LARGE1: variants seen among roughly 807,000 people sequenced by gnomAD.
LARGE1 encodes LARGE xylosyl- and glucuronyltransferase 1.
In LARGE1, 43 loss-of-function variants were observed where a neutral mutation model predicts 87.6. The observed-to-expected ratio is 0.49, with a 90% CI of 0.38 to 0.63. LARGE1 has a LOEUF of 0.63. Ranked by LOEUF, LARGE1 falls within the 30% of genes least tolerant of loss-of-function variation. The pLI is 0.00. For missense variants in LARGE1, 802 were observed against 1,000.2 expected, an observed-to-expected ratio of 0.80 and a Z score of 2.67; for synonymous variants, 434 against 394.6, an observed-to-expected ratio of 1.10 and a Z score of -1.18.
intron 1 of LARGE1, among the ~76,000 whole-genome samples, chr22:33,771,296 T>A (rs2145816450): frequency 6.6e-6 from 1 of 152,146 alleles, no homozygotes; most frequent in Admixed American, 6.5e-5. Context: ...TGCAGTAGCC[T>A]GGGAAAATCC....
chr22:33,475,639 T>A (rs1008952971), intron 6 of LARGE1, among the ~76,000 whole-genome samples: 1 of 151,894 alleles, frequency 6.6e-6, no homozygotes, highest in South Asian at 2.1e-4. Context: ...TTTTTTGTAT[T>A]TTTAGTAGAG....
intron 6 of LARGE1, among the ~76,000 whole-genome samples, chr22:33,440,714 T>C (rs1222615248): frequency 1.3e-5 from 2 of 152,174 alleles, no homozygotes; most frequent in African/African-American, 2.4e-5. Flanking sequence ...GGCTAGTCAA[T>C]GTAGAATAAG....
intron 5 of LARGE1, among the ~76,000 whole-genome samples, chr22:33,601,158 T>C (rs531463877): frequency 6.6e-6 from 1 of 152,296 alleles, no homozygotes; most frequent in South Asian, 2.1e-4. Flanking sequence ...AAGAGTGGCA[T>C]GACTGCGCTT....
intron 11 of LARGE1, among the ~76,000 whole-genome samples, chr22:33,223,078 A>C (rs1323370715): frequency 6.6e-6 from 1 of 152,288 alleles, no homozygotes; most frequent in African/African-American, 2.4e-5. Context: ...AACGTGCCTT[A>C]TTCAGGGTTA....
At chr22:33,577,044 T>G (rs2148850365) in intron 5 of LARGE1, among the ~76,000 whole-genome samples, 1 of 152,280 alleles carries the variant, frequency 6.6e-6, no homozygotes, top group South Asian at 2.1e-4. Flanking sequence ...TCATTCCTGT[T>G]CAAAGTGCTA....
At chr22:33,106,509 T>A in the LARGE1 span, among the ~76,000 whole-genome samples, 2,254 of 152,234 alleles carry the variant, frequency 0.015, 55 homozygotes, top group African/African-American at 0.05. Flanking sequence ...TTTTTTTCTT[T>A]TTTTGAGACG....
At chr22:33,813,795 G>A (rs529976471) in intron 1 of LARGE1, among the ~76,000 whole-genome samples, 7 of 152,078 alleles carry the variant, frequency 4.6e-5, no homozygotes, top group Admixed American at 6.5e-5. Flanking sequence ...TGCATTCTAC[G>A]ATGCTCCCAA....
intron 1 of LARGE1, among the ~76,000 whole-genome samples, chr22:33,855,782 T>C (rs190573228): frequency 4.8e-4 from 73 of 152,314 alleles, no homozygotes; most frequent in Middle Eastern, 3.4e-3. Context: ...ATGTAGTGAA[T>C]ACCAACCTCA....
chr22:33,509,810 C>G (rs555924950), intron 6 of LARGE1, among the ~76,000 whole-genome samples: 1 of 152,220 alleles, frequency 6.6e-6, no homozygotes, highest in East Asian at 1.9e-4. Context: ...CCTAACTGGG[C>G]AATTTAAAAT....
At chr22:33,896,174 G>T (rs550630281) in intron 1 of LARGE1, among the ~76,000 whole-genome samples, 1 of 152,270 alleles carries the variant, frequency 6.6e-6, no homozygotes, top group East Asian at 1.9e-4. Context: ...TTACATAGGT[G>T]GAATGATAAA....
chr22:33,812,552 G>A (rs1284246072), intron 1 of LARGE1, among the ~76,000 whole-genome samples: 1 of 152,194 alleles, frequency 6.6e-6, no homozygotes, highest in East Asian at 1.9e-4. Context: ...CATCAGTGAG[G>A]CCTCACTCAA....
intron 1 of LARGE1, among the ~76,000 whole-genome samples, chr22:33,817,416 C>T (rs1186346132): frequency 6.6e-6 from 1 of 152,092 alleles, no homozygotes; most frequent in African/African-American, 2.4e-5. Flanking sequence ...ATTTTACAGC[C>T]ATAGACAGAT....
At chr22:33,344,660 T>C (rs778958013) in intron 9 of LARGE1, among the ~76,000 whole-genome samples, 4 of 152,222 alleles carry the variant, frequency 2.6e-5, no homozygotes, top group Admixed American at 6.5e-5. Flanking sequence ...TATATTTTTA[T>C]CAGTGCTTGT....
At chr22:33,623,381 A>G (rs762049441) in intron 4 of LARGE1, among the ~76,000 whole-genome samples, 1 of 152,192 alleles carries the variant, frequency 6.6e-6, no homozygotes, top group Admixed American at 6.5e-5. Flanking sequence ...CCATTTGGCC[A>G]TTCTTTCTTT....
chr22:33,576,391 A>G (rs1241949843), intron 5 of LARGE1, among the ~76,000 whole-genome samples: 1 of 152,118 alleles, frequency 6.6e-6, no homozygotes, highest in Non-Finnish European at 1.5e-5. Flanking sequence ...CAGTTTGGGG[A>G]GACATAACAA....
Position 33,201,282 on chromosome 22 carries a change from T to G in LARGE1, c.1731-34450A>C, listed in dbSNP as rs1339468992. On this transcript the variant is annotated intron_variant, in intron 11 of 11. Transcript: ENST00000608642. Reference sequence around the variant, plus strand: ...GAGACTGTGCCATTGCACTCCAGTCTGGGCAACAAGAGCGAAACTCCATCT... The same window carrying G: ...GAGACTGTGCCATTGCACTCCAGTCGGGGCAACAAGAGCGAAACTCCATCT... Among the ~76,000 whole-genome samples the G allele has an allele frequency of 3.3e-5, 5 of 150,540 alleles. No individual in the cohort carries two copies. The East Asian group carries it at 9.8e-4, about 30-fold the overall frequency.
intron 11 of LARGE1, among the ~76,000 whole-genome samples, chr22:33,207,637 T>TG (rs1924751193): frequency 6.6e-6 from 1 of 151,952 alleles, no homozygotes; most frequent in African/African-American, 2.4e-5. Context: ...CACCACAGAG[T>TG]GAGAGCGTCG....
chr22:33,588,877 G>A (rs895322277), intron 5 of LARGE1, among the ~76,000 whole-genome samples: 1 of 152,190 alleles, frequency 6.6e-6, no homozygotes, highest in Non-Finnish European at 1.5e-5. Flanking sequence ...ACTAAAGTGG[G>A]GGTGGGAGGC....
chr22:33,791,034 T>C (rs1407051627), intron 1 of LARGE1, among the ~76,000 whole-genome samples: 3 of 152,240 alleles, frequency 2.0e-5, no homozygotes, highest in Non-Finnish European at 4.4e-5. Flanking sequence ...CACAAATTTC[T>C]TAAGAGAATA....
Sources: gnomAD v4.1 joint callset for allele counts (sites outside exome capture counted in the v4.1 genomes callset) on GRCh38, gnomAD v4.1.1 for gene constraint, MANE v1.5 for transcripts, NCBI Gene and HGNC (gene_info 2026-07-23, HGNC 2026-07-21) for gene names.